Variants in ZNRF2 observed in about 807,000 individuals in gnomAD.
The protein encoded by ZNRF2 is E3 ubiquitin-protein ligase ZNRF2.
A neutral mutation model predicts 20.4 loss-of-function variants in ZNRF2; 16 were observed. That is an observed-to-expected ratio of 0.79 (90% CI 0.53 to 1.19). The LOEUF (loss-of-function observed/expected upper bound fraction) is 1.19, where lower values mean the gene tolerates loss of function less well. ZNRF2 is among the 50% of genes most tolerant of loss of function. The pLI is 0.00. For synonymous variants in ZNRF2, 178 were observed against 144.9 expected, an observed-to-expected ratio of 1.23 and a Z score of -1.64; for missense variants, 363 against 332.4, an observed-to-expected ratio of 1.09 and a Z score of -0.72.
At chr7:30,287,795 A>G (rs943283017) in intron 1 of ZNRF2, among the ~76,000 whole-genome samples, 2 of 151,472 alleles carry the variant, frequency 1.3e-5, no homozygotes, top group Non-Finnish European at 2.9e-5. Flanking sequence ...AATGAATTTT[A>G]ACTTTTAGCT....
At chr7:30,304,888 G>A (rs1450629200) in intron 1 of ZNRF2, among the ~76,000 whole-genome samples, 1 of 152,134 alleles carries the variant, frequency 6.6e-6, no homozygotes, top group Non-Finnish European at 1.5e-5. Context: ...GCTCTTCCTG[G>A]AGTTGATAAA....
Position 30,285,329 on chromosome 7 carries a change from G to A in ZNRF2, c.-29G>A. On this transcript the variant is annotated 5_prime_UTR_variant, in exon 1 of 5. Transcript: ENST00000323037. ...GCCCTCCCGGCTCTCGGGGCGCAGC[G>A]CGCGGGCCCGGCCCGGGGCAGGGCG... 9.2e-7 allele frequency: 1 copy of A among 1,083,602 alleles called. No homozygotes were observed. The highest frequency in any genetic ancestry group is 1.1e-6 in the Non-Finnish European group (1 of 897,306). The allele number at this position is 1,083,602 out of a possible 1,614,324, so 67.1% of individuals were successfully genotyped here.
chr7:30,336,882 A>G (rs928083482), intron 2 of ZNRF2, among the ~76,000 whole-genome samples: 1 of 152,170 alleles, frequency 6.6e-6, no homozygotes, highest in African/African-American at 2.4e-5. Context: ...TGACACATAC[A>G]TGGACATGTA....
intron 2 of ZNRF2, among the ~76,000 whole-genome samples, chr7:30,329,516 T>A (rs900923081): frequency 3.3e-5 from 5 of 152,292 alleles, no homozygotes; most frequent in South Asian, 2.1e-4. Flanking sequence ...TTGTTTTGTT[T>A]TGTTTTTTAA....
intron 1 of ZNRF2, among the ~76,000 whole-genome samples, chr7:30,306,073 G>A (rs1799199658): frequency 6.6e-6 from 1 of 152,094 alleles, no homozygotes; most frequent in Non-Finnish European, 1.5e-5. Flanking sequence ...AATAATAATA[G>A]TAGCTACTTC....
At chr7:30,331,703 C>T (rs552907244) in intron 2 of ZNRF2, among the ~76,000 whole-genome samples, 26 of 152,204 alleles carry the variant, frequency 1.7e-4, no homozygotes, top group South Asian at 4.2e-4. Flanking sequence ...ATTGAAAGAG[C>T]GCAGTGATCT....
intron 1 of ZNRF2, among the ~76,000 whole-genome samples, chr7:30,291,196 A>G (rs1358027621): frequency 1.3e-5 from 2 of 152,220 alleles, no homozygotes; most frequent in African/African-American, 4.8e-5. Context: ...TCTGGATTGT[A>G]GGGTGCATAG....
At chr7:30,326,982 T>C (rs1020230981) in intron 2 of ZNRF2, among the ~76,000 whole-genome samples, 1 of 152,194 alleles carries the variant, frequency 6.6e-6, no homozygotes, top group Non-Finnish European at 1.5e-5. Flanking sequence ...TGGGGTTGTT[T>C]GCTTTTTTCT....
chr7:30,286,921 A>AT (rs1270134780), intron 1 of ZNRF2, among the ~76,000 whole-genome samples: 4 of 152,222 alleles, frequency 2.6e-5, no homozygotes, highest in African/African-American at 9.6e-5. Flanking sequence ...GAGACTTAGT[A>AT]AAGTGGAATA....
chr7:30,349,288 C>G (rs1799928811), intron 2 of ZNRF2, among the ~76,000 whole-genome samples: 2 of 152,136 alleles, frequency 1.3e-5, no homozygotes, highest in African/African-American at 4.8e-5. Context: ...GTTCTTTTTC[C>G]ATGAGACTGC....
chr7:30,331,063 A>G (rs1169668462), intron 2 of ZNRF2, among the ~76,000 whole-genome samples: 2 of 152,204 alleles, frequency 1.3e-5, no homozygotes, highest in Non-Finnish European at 2.9e-5. Context: ...TGTTAAAGGC[A>G]ATGGGAAATG....
At chr7:30,359,931 A>G (rs1386330893) in intron 3 of ZNRF2, among the ~76,000 whole-genome samples, 1 of 152,244 alleles carries the variant, frequency 6.6e-6, no homozygotes, top group Non-Finnish European at 1.5e-5. Context: ...CCTGTATATT[A>G]TAACTGAAAT....
intron 1 of ZNRF2, among the ~76,000 whole-genome samples, chr7:30,289,334 C>A (rs1484964305): frequency 6.6e-6 from 1 of 152,180 alleles, no homozygotes; most frequent in Non-Finnish European, 1.5e-5. Context: ...ATTTTTAAGG[C>A]AGATGTGAAG....
At chr7:30,325,047 T>C (rs1799531537) in intron 2 of ZNRF2, among the ~76,000 whole-genome samples, 1 of 152,180 alleles carries the variant, frequency 6.6e-6, no homozygotes, top group African/African-American at 2.4e-5. Flanking sequence ...ACTGTACCAT[T>C]CTTTCCTGAC....
chr7:30,288,621 C>G (rs1798841342), intron 1 of ZNRF2: 4 of 152,170 alleles, frequency 2.6e-5, no homozygotes, highest in Admixed American at 1.3e-4. Context: ...CTCTAGAGAA[C>G]TGGAAGAAAA....
At chr7:30,293,650 C>T (rs1798953480) in intron 1 of ZNRF2, among the ~76,000 whole-genome samples, 1 of 152,204 alleles carries the variant, frequency 6.6e-6, no homozygotes, top group Admixed American at 6.5e-5. Flanking sequence ...ATGGAAACAG[C>T]TTCTAGCAAG....
At chr7:30,330,621 G>C (rs1168958557) in intron 2 of ZNRF2, among the ~76,000 whole-genome samples, 1 of 152,052 alleles carries the variant, frequency 6.6e-6, no homozygotes, top group Non-Finnish European at 1.5e-5. Context: ...GGTCTTCCAG[G>C]GAGTTGAGGT....
chr7:30,350,610 ATTAG>A (rs757176773), intron 2 of ZNRF2, among the ~76,000 whole-genome samples: 18 of 152,084 alleles, frequency 1.2e-4, no homozygotes, highest in African/African-American at 3.1e-4. Flanking sequence ...AATTGAAAGA[ATTAG>A]TTAATGTTAC....
intron 2 of ZNRF2, among the ~76,000 whole-genome samples, chr7:30,352,039 G>A (rs1799968180): frequency 6.6e-6 from 1 of 151,954 alleles, no homozygotes; most frequent in Non-Finnish European, 1.5e-5. Context: ...AGAGGTGCAT[G>A]AAGTACTATC....
Sources: gnomAD v4.1 joint callset for allele counts (sites outside exome capture counted in the v4.1 genomes callset) on GRCh38, gnomAD v4.1.1 for gene constraint, MANE v1.5 for transcripts, NCBI Gene and HGNC (gene_info 2026-07-23, HGNC 2026-07-21) for gene names.